EBF2: variants seen among roughly 807,000 people sequenced by gnomAD.
The protein encoded by EBF2 is transcription factor COE2.
EBF2 carries 21 observed loss-of-function variants against 72.8 expected under a neutral mutation model. The observed-to-expected ratio is 0.29, with a 90% confidence interval of 0.20 to 0.42. The LOEUF (loss-of-function observed/expected upper bound fraction) is 0.42, where lower values mean the gene tolerates loss of function less well. EBF2 is among the 10% of genes least tolerant of loss of function. The pLI is 1.00. For synonymous variants in EBF2, 299 were observed against 274.2 expected (o/e 1.09, Z -0.89); for missense variants, 637 against 731.2 (o/e 0.87, Z 1.49).
At chr8:25,916,844 CAAGTCCCTGG>C (rs1021868961) in intron 6 of EBF2, among the ~76,000 whole-genome samples, 1 of 152,128 alleles carries the variant, frequency 6.6e-6, no homozygotes, top group African/African-American at 2.4e-5. Context: ...ATTCCATGCT[CAAGTCCCTGG>C]AAGTGGCATT....
rs569782962 is a variant in EBF2, at chr8:26,044,249, C to A, written c.131+480G>T. On this transcript the variant is annotated intron_variant, in intron 1 of 15. Transcript: ENST00000520164. This position sits in a 1 kb window ranked among gnomAD's most constrained non-coding sequence, Gnocchi z 4.1. ...CCCCTCGCCGCCGCCACCCTCTGGC[C>A]GCCGGCCTCCCAGGCTCCAGGAATC... Among the ~76,000 whole-genome samples, 1 of 152,174 alleles carries A rather than the reference C, an allele frequency of 6.6e-6. No individual in the cohort carries two copies. Among genetic ancestry groups the A allele is most frequent in the African/African-American group, 2.4e-5 (1 of 41,452 alleles).
At chr8:25,963,413 C>T (rs1219374223) in intron 6 of EBF2, among the ~76,000 whole-genome samples, 3 of 152,166 alleles carry the variant, frequency 2.0e-5, no homozygotes, top group Non-Finnish European at 4.4e-5. Context: ...AAATTCTTCC[C>T]GAGTGCCAGC....
chr8:25,862,817 T>C lies in EBF2; in HGVS notation c.1010-20A>G. The C allele has an allele frequency of 6.4e-7, 1 of 1,562,388 alleles. No individual in the cohort carries two copies. Among genetic ancestry groups the C allele is most frequent in the African/African-American group, 1.4e-5 (1 of 73,494 alleles). The stretch of plus-strand genomic sequence containing the variant: ...TTAATGCTGAAAGAGAAAAGTCCTC[T>C]TTCTGAGTTGGTATCCTGGCTATAA... On this transcript the variant is annotated intron_variant, in intron 10 of 15. Coordinates refer to ENST00000520164, the MANE Select transcript of EBF2 (RefSeq NM_022659.4).
At chr8:25,910,678 C>T (rs181934590) in intron 6 of EBF2, among the ~76,000 whole-genome samples, 1 of 152,276 alleles carries the variant, frequency 6.6e-6, no homozygotes, top group Admixed American at 6.5e-5. Flanking sequence ...AATTAGGACC[C>T]TTAACAGTGA....
intron 14 of EBF2, chr8:25,858,034 A>T (rs905592594): frequency 8.9e-6 from 5 of 563,422 alleles, no homozygotes; most frequent in South Asian, 6.2e-5. Context: ...CAGAAATGGA[A>T]TCTTAATTCC....
intron 15 of EBF2, among the ~76,000 whole-genome samples, chr8:25,847,643 C>G (rs1296202191): frequency 6.6e-6 from 1 of 152,110 alleles, no homozygotes; most frequent in East Asian, 1.9e-4. Context: ...ATTTAACAGA[C>G]TAGGAAACTG....
intron 6 of EBF2, among the ~76,000 whole-genome samples, chr8:25,977,151 A>G (rs1804281091): frequency 6.6e-6 from 1 of 152,210 alleles, no homozygotes; most frequent in Non-Finnish European, 1.5e-5. Flanking sequence ...ATTCCCTGGC[A>G]CGGATCTCTG....
intron 6 of EBF2, among the ~76,000 whole-genome samples, chr8:25,972,628 A>T (rs1585212422): frequency 6.6e-6 from 1 of 152,278 alleles, no homozygotes; most frequent in East Asian, 1.9e-4. Context: ...GACCAACAAA[A>T]GGGAGTCCAG....
chr8:25,890,009 T>C, intron 7 of EBF2, 140 bp from the exon 8 acceptor site: 1 of 698,838 alleles, frequency 1.4e-6, no homozygotes, highest in Non-Finnish European at 2.5e-6. Context: ...CTCAACAGAG[T>C]TTTCTCCTTC....
chr8:25,996,135 T>C (rs1804626620), intron 6 of EBF2, among the ~76,000 whole-genome samples: 1 of 151,964 alleles, frequency 6.6e-6, no homozygotes, highest in South Asian at 2.1e-4. Flanking sequence ...ACCCCATCTC[T>C]ACCAAAAAGT....
chr8:25,912,253 CA>C (rs945609076), intron 6 of EBF2, among the ~76,000 whole-genome samples: 1 of 152,078 alleles, frequency 6.6e-6, no homozygotes, highest in African/African-American at 2.4e-5. Context: ...AAGTGGTGAA[CA>C]CAAGGATTGG....
At chr8:25,856,586 T>G (rs115747865) in intron 14 of EBF2, among the ~76,000 whole-genome samples, 1 of 152,222 alleles carries the variant, frequency 6.6e-6, no homozygotes, top group Non-Finnish European at 1.5e-5. Context: ...AGCTGTAAAG[T>G]GGAATGTAAT....
At chr8:26,010,038 T>A (rs1415596774) in intron 6 of EBF2, among the ~76,000 whole-genome samples, 1 of 152,150 alleles carries the variant, frequency 6.6e-6, no homozygotes, top group Non-Finnish European at 1.5e-5. Flanking sequence ...TTTGCTTTTA[T>A]AAATAAACCT....
intron 14 of EBF2, among the ~76,000 whole-genome samples, chr8:25,853,504 A>G (rs1187543670): frequency 2.0e-5 from 3 of 151,694 alleles, no homozygotes; most frequent in African/African-American, 7.3e-5. Context: ...AAATAGAAAA[A>G]CTTAACAGGG....
chr8:25,877,716 G>GTCTCCCGCAGGAC (rs997157904), intron 10 of EBF2, among the ~76,000 whole-genome samples: 1 of 152,070 alleles, frequency 6.6e-6, no homozygotes. Flanking sequence ...GTTCTCTGGA[G>GTCTCCCGCAGGAC]TCTCCCGCAG....
chr8:25,899,321 G>C (rs973352622), intron 7 of EBF2, among the ~76,000 whole-genome samples: 1 of 150,374 alleles, frequency 6.7e-6, no homozygotes. Flanking sequence ...ATCAGATAAT[G>C]GACTCACCTG....
chr8:25,858,665 T>TTTTTC (rs1237524650), intron 13 of EBF2, among the ~76,000 whole-genome samples, 161 bp from the exon 14 acceptor site: 6 of 143,874 alleles, frequency 4.2e-5, no homozygotes, highest in African/African-American at 1.6e-4. Context: ...TTTTTTTTTT[T>TTTTTC]TTTTTTTTTT....
intron 9 of EBF2, 61 bp downstream of exon 9, chr8:25,887,781 C>T (rs1456516462): frequency 2.7e-6 from 4 of 1,461,540 alleles, no homozygotes; most frequent in South Asian, 1.6e-5. Context: ...GTGCTAGTTT[C>T]CCAGATCAAA....
intron 7 of EBF2, among the ~76,000 whole-genome samples, chr8:25,890,179 A>C (rs897818027): frequency 7.2e-5 from 11 of 152,186 alleles, no homozygotes; most frequent in African/African-American, 2.7e-4. Flanking sequence ...CTGGACCGCC[A>C]CCGCCAGTGG....
Sources: gnomAD v4.1 joint callset for allele counts (sites outside exome capture counted in the v4.1 genomes callset) on GRCh38, gnomAD v4.1.1 for gene constraint, Gnocchi (gnomAD v3.1) non-coding constraint, MANE v1.5 for transcripts, NCBI Gene and HGNC (gene_info 2026-07-23, HGNC 2026-07-21) for gene names.